The following RPS6KC1 variants were observed in gnomAD, a reference collection of about 807,000 sequenced individuals.
The protein encoded by RPS6KC1 is inactive ribosomal protein S6 kinase delta-1.
RPS6KC1 carries 54 observed loss-of-function variants against 103.8 expected under a neutral mutation model. That is an observed-to-expected ratio of 0.52 (90% CI 0.42 to 0.65). RPS6KC1 has a LOEUF of 0.65. Ranked by LOEUF, RPS6KC1 falls within the 30% of genes least tolerant of loss-of-function variation. The pLI, the probability that RPS6KC1 is intolerant of heterozygous loss-of-function variation, is 0.00. For synonymous variants in RPS6KC1, 439 were observed against 438.7 expected (o/e 1.00, Z -0.01); for missense variants, 1,151 against 1,253.8 (o/e 0.92, Z 1.24).
At chr1:213,659,526 C>T in the RPS6KC1 span, among the ~76,000 whole-genome samples, 3 of 152,060 alleles carry the variant, frequency 2.0e-5, no homozygotes, top group Non-Finnish European at 2.9e-5. Context: ...GTCATCATCA[C>T]GTACAACTAA....
chr1:213,643,806 T>A, the RPS6KC1 span, among the ~76,000 whole-genome samples: 1 of 151,976 alleles, frequency 6.6e-6, no homozygotes, highest in Non-Finnish European at 1.5e-5. Flanking sequence ...TTCAGTAAGG[T>A]CTTTTGTATT....
the RPS6KC1 span, among the ~76,000 whole-genome samples, chr1:213,305,232 G>A: frequency 6.6e-6 from 1 of 151,924 alleles, no homozygotes; most frequent in Non-Finnish European, 1.5e-5. Flanking sequence ...TTACAGGTGC[G>A]TGCCACCACA....
At chr1:213,384,778 G>A in the RPS6KC1 span, among the ~76,000 whole-genome samples, 4 of 152,280 alleles carry the variant, frequency 2.6e-5, no homozygotes, top group South Asian at 2.1e-4. Context: ...CCAGGTACAG[G>A]TATATTCTCA....
chr1:213,057,752 CTTTTTTTTTTTTTT>C (rs869259657), intron 1 of RPS6KC1, among the ~76,000 whole-genome samples: 1 of 73,664 alleles, frequency 1.4e-5, no homozygotes, highest in South Asian at 6.8e-4. Context: ...TCTGAAGTAT[CTTTTTTTTTTTTTT>C]TTTTTTTTTT....
At chr1:213,703,589 T>C in the RPS6KC1 span, among the ~76,000 whole-genome samples, 1 of 152,160 alleles carries the variant, frequency 6.6e-6, no homozygotes, top group Non-Finnish European at 1.5e-5. Context: ...TTATTTCTCC[T>C]TCATGTTTGA....
chr1:213,683,545 G>C, the RPS6KC1 span, among the ~76,000 whole-genome samples: 1,593 of 152,194 alleles, frequency 0.01, 33 homozygotes, highest in African/African-American at 0.036. Flanking sequence ...CTCATGGACC[G>C]AGAAAACTCT....
chr1:213,184,753 G>T (rs1042991378), intron 8 of RPS6KC1, among the ~76,000 whole-genome samples: 3 of 152,056 alleles, frequency 2.0e-5, no homozygotes, highest in African/African-American at 7.2e-5. Flanking sequence ...TGACCCATTG[G>T]TCAGTCAGGA....
the RPS6KC1 span, among the ~76,000 whole-genome samples, chr1:213,593,152 C>A: frequency 6.7e-6 from 1 of 149,942 alleles, no homozygotes; most frequent in Admixed American, 6.7e-5. Flanking sequence ...TGGGGCACAG[C>A]GAGGTGGAAG....
At chr1:213,209,697 A>C (rs998029772) in intron 8 of RPS6KC1, among the ~76,000 whole-genome samples, 2 of 105,786 alleles carry the variant, frequency 1.9e-5, no homozygotes, top group African/African-American at 1.8e-4. Flanking sequence ...CTCCGTCTCA[A>C]AAAAAAAAAA....
chr1:213,293,412 G>C, the RPS6KC1 span, among the ~76,000 whole-genome samples: 2 of 152,076 alleles, frequency 1.3e-5, no homozygotes, highest in Admixed American at 1.3e-4. Flanking sequence ...ATTTTTAGCT[G>C]TGGATGCCTC....
chr1:213,728,869 G>A, the RPS6KC1 span, among the ~76,000 whole-genome samples: 2 of 147,302 alleles, frequency 1.4e-5, no homozygotes, highest in South Asian at 2.2e-4. Context: ...GCTGGCTTAC[G>A]TTTGCACAGA....
At chr1:213,128,104 T>TAAA (rs2085194256) in intron 5 of RPS6KC1, among the ~76,000 whole-genome samples, 2 of 152,274 alleles carry the variant, frequency 1.3e-5, no homozygotes. Flanking sequence ...TGTTTCTTTT[T>TAAA]CAGTTACATT....
At chr1:213,220,668 A>T (rs865885369) in intron 8 of RPS6KC1, among the ~76,000 whole-genome samples, 1 of 152,228 alleles carries the variant, frequency 6.6e-6, no homozygotes, top group Admixed American at 6.5e-5. Flanking sequence ...ATGCTTTTGT[A>T]TAATTTTCTA....
At chr1:213,535,233 A>G in the RPS6KC1 span, among the ~76,000 whole-genome samples, 1 of 152,232 alleles carries the variant, frequency 6.6e-6, no homozygotes, top group Admixed American at 6.5e-5. Flanking sequence ...CAATAAGATG[A>G]GTGGAGCAGA....
chr1:213,317,720 C>T, the RPS6KC1 span, among the ~76,000 whole-genome samples: 1 of 152,240 alleles, frequency 6.6e-6, no homozygotes, highest in Non-Finnish European at 1.5e-5. Flanking sequence ...AATCTATCAC[C>T]TTTCTCTTAG....
the RPS6KC1 span, among the ~76,000 whole-genome samples, chr1:213,793,042 C>T: frequency 2.6e-5 from 4 of 152,204 alleles, no homozygotes; most frequent in South Asian, 2.1e-4. Context: ...CCCCAGAGAG[C>T]AGATGGGATT....
the RPS6KC1 span, among the ~76,000 whole-genome samples, chr1:213,833,029 C>T: frequency 6.6e-6 from 1 of 152,146 alleles, no homozygotes; most frequent in Non-Finnish European, 1.5e-5. Flanking sequence ...GCCCACACCC[C>T]CGAAGACCCA....
chr1:213,714,613 G>C, the RPS6KC1 span, among the ~76,000 whole-genome samples: 1 of 152,218 alleles, frequency 6.6e-6, no homozygotes, highest in Non-Finnish European at 1.5e-5. Context: ...ATTGTGAACT[G>C]TGTGGAAGTT....
chr1:213,683,891 C>A, the RPS6KC1 span, among the ~76,000 whole-genome samples: 1,881 of 152,240 alleles, frequency 0.012, 21 homozygotes, highest in South Asian at 0.021. Context: ...GGGAAGTCCT[C>A]GCTAACTGGA....
Sources: allele counts gnomAD v4.1 joint callset (sites outside exome capture counted in the v4.1 genomes callset), GRCh38; gene constraint gnomAD v4.1.1; transcripts MANE v1.5; gene names NCBI Gene and HGNC (gene_info 2026-07-23, HGNC 2026-07-21).